FAM149A: variants seen among roughly 807,000 people sequenced by gnomAD.
FAM149A encodes the protein family with sequence similarity 149 member A, also known as protein FAM149A.
In FAM149A, 71 loss-of-function variants were observed where a neutral mutation model predicts 78.2. The observed-to-expected ratio is 0.91, with a 90% CI of 0.75 to 1.11. The LOEUF (loss-of-function observed/expected upper bound fraction) is 1.11. FAM149A is among the 50% of genes least tolerant of loss of function. FAM149A has a pLI of 0.00. For synonymous variants in FAM149A, 446 were observed against 410.5 expected (o/e 1.09, Z -1.04); for missense variants, 1,036 against 971.0 (o/e 1.07, Z -0.89).
chr4:186,116,775 T>C (rs2099313924), intron 1 of FAM149A: 9 of 981,776 alleles, frequency 9.2e-6, no homozygotes, highest in Non-Finnish European at 1.1e-5. Flanking sequence ...TTAGCAGTTA[T>C]ATGTTTTTTT....
chr4:186,142,221 G>A (rs894138379), intron 1 of FAM149A, among the ~76,000 whole-genome samples: 14 of 152,218 alleles, frequency 9.2e-5, no homozygotes, highest in Non-Finnish European at 1.6e-4. Context: ...CACCTCTCTT[G>A]TTGGACAGGT....
At chr4:186,126,078 G>T (rs990203537) in intron 1 of FAM149A, 2 of 985,204 alleles carry the variant, frequency 2.0e-6, no homozygotes, top group South Asian at 4.7e-5. Context: ...GGATCTGGAC[G>T]CTTGTTTCCA....
chr4:186,152,911 T>A (rs1448154298), intron 4 of FAM149A, among the ~76,000 whole-genome samples: 1 of 152,154 alleles, frequency 6.6e-6, no homozygotes, highest in African/African-American at 2.4e-5. Flanking sequence ...GTTACCTGAG[T>A]TCCTGTGGAT....
chr4:186,136,963 T>TC lies in FAM149A; in HGVS notation c.567-12210_567-12209insC, dbSNP rs1561396315. Among the ~76,000 whole-genome samples the TC allele has an allele frequency of 4.2e-3, 438 of 103,082 alleles. 10 individuals are homozygous for TC. Among genetic ancestry groups the TC allele is most frequent in the African/African-American group, 0.01 (239 of 23,068 alleles). The allele number at this position is 103,082 out of a possible 152,430, so 67.6% of individuals were successfully genotyped here. On this transcript the variant is annotated intron_variant, in intron 1 of 13. Coordinates refer to ENST00000389354, the MANE Select transcript of FAM149A (RefSeq NM_001367768.3). ...CTCTCTCTCTCTCTCTCTCTCTCTC[T>TC]TTCTCTCTCTCTTTCTCTCTCTCTC... is the stretch of plus-strand genomic sequence containing the variant.
chr4:186,127,135 T>C lies in FAM149A; in HGVS notation c.566+21493T>C. ...CCAGGCAGAAGGTGCTGGAGCTGAC[T>C]GCACGGGCCAACAGGAGCAACTGTA... On this transcript the variant is annotated intron_variant, in intron 1 of 13. Coordinates refer to ENST00000389354, the MANE Select transcript of FAM149A (RefSeq NM_001367768.3). The C allele has an allele frequency of 3.0e-6, 3 of 985,268 alleles. No individual in the cohort carries two copies. In the South Asian group the frequency reaches 1.4e-4, roughly 46 times the overall value. 61.0% of individuals were successfully genotyped at this position (985,268 alleles called of 1,614,324 possible).
chr4:186,137,217 T>C (rs561721021), intron 1 of FAM149A, among the ~76,000 whole-genome samples: 1 of 151,820 alleles, frequency 6.6e-6, no homozygotes, highest in South Asian at 2.1e-4. Context: ...TAAAGCTGTG[T>C]ACCCTTGGGA....
At chr4:186,124,242 G>GT in intron 1 of FAM149A, 3 of 981,238 alleles carry the variant, frequency 3.1e-6, no homozygotes, top group Non-Finnish European at 3.6e-6. Context: ...TGCCATTTTT[G>GT]TTTTTTGGGT....
At chr4:186,130,262 A>AAT (rs2099320004) in intron 1 of FAM149A, 1 of 20,818 alleles carries the variant, frequency 4.8e-5, no homozygotes, top group African/African-American at 1.3e-4. Context: ...GACTTTATGA[A>AAT]ATCTCTCTCT....
intron 1 of FAM149A, among the ~76,000 whole-genome samples, chr4:186,134,050 C>T (rs541152900): frequency 5.3e-5 from 8 of 152,302 alleles, no homozygotes; most frequent in East Asian, 1.9e-4. Flanking sequence ...GAATCACAAA[C>T]GATTTTTTTA....
intron 1 of FAM149A, among the ~76,000 whole-genome samples, chr4:186,113,920 C>A (rs1159711797): frequency 6.6e-6 from 1 of 152,006 alleles, no homozygotes; most frequent in African/African-American, 2.4e-5. Flanking sequence ...CCACTTGGTG[C>A]AGAGCTGAGT....
chr4:186,143,462 A>C (rs554315145), intron 1 of FAM149A, among the ~76,000 whole-genome samples: 1 of 152,136 alleles, frequency 6.6e-6, no homozygotes, highest in African/African-American at 2.4e-5. Flanking sequence ...AAATCTCATT[A>C]ATTTTATAAT....
chr4:186,136,964 T>TCTTTCTCTTTCTCTCTCTCTCTCTCTC (rs2099323207), intron 1 of FAM149A, among the ~76,000 whole-genome samples: 1 of 97,042 alleles, frequency 1.0e-5, no homozygotes, highest in African/African-American at 4.5e-5. Context: ...CTCTCTCTCT[T>TCTTTCTCTTTCTCTCTCTCTCTCTCTC]TCTCTCTCTC....
intron 1 of FAM149A, chr4:186,130,263 A>ATATCTCTCTC (rs1554068048): frequency 1.5e-5 from 1 of 67,098 alleles, no homozygotes. Flanking sequence ...ACTTTATGAA[A>ATATCTCTCTC]TCTCTCTCTC....
chr4:186,127,427 T>A, intron 1 of FAM149A: 1 of 985,378 alleles, frequency 1.0e-6, no homozygotes, highest in African/African-American at 1.7e-5. Flanking sequence ...ACTGCTTCTG[T>A]CACAGGAATG....
At chr4:186,148,040 T>C (rs573348096) in intron 1 of FAM149A, among the ~76,000 whole-genome samples, 2 of 152,304 alleles carry the variant, frequency 1.3e-5, no homozygotes, top group South Asian at 4.1e-4. Context: ...AAAATTCTCT[T>C]TGTTGGCTGG....
At chr4:186,151,103 G>C (rs879475494) in intron 3 of FAM149A, 43 of 980,686 alleles carry the variant, frequency 4.4e-5, no homozygotes, top group East Asian at 1.1e-4. Context: ...GAGCCGGCAG[G>C]GCAGGTGCAC....
intron 1 of FAM149A, chr4:186,125,809 G>T (rs951264362): frequency 1.9e-5 from 19 of 985,140 alleles, no homozygotes; most frequent in Non-Finnish European, 2.3e-5. Context: ...CCAACCGTTT[G>T]GAAGGGAGGC....
At chr4:186,132,949 A>T in intron 1 of FAM149A, 2 of 983,628 alleles carry the variant, frequency 2.0e-6, no homozygotes, top group Non-Finnish European at 2.4e-6. Flanking sequence ...GTGTGATGGT[A>T]TTTGGAGATG....
At chr4:186,125,248 G>T (rs2099317808) in intron 1 of FAM149A, 1 of 985,136 alleles carries the variant, frequency 1.0e-6, no homozygotes. Flanking sequence ...TAATGATGCA[G>T]TTCAGGCCCT....
Sources: allele counts gnomAD v4.1 joint callset (sites outside exome capture counted in the v4.1 genomes callset), GRCh38; gene constraint gnomAD v4.1.1; transcripts MANE v1.5; gene names NCBI Gene and HGNC (gene_info 2026-07-23, HGNC 2026-07-21).